The following LRRC4C variants were observed in gnomAD, a reference collection of about 807,000 sequenced individuals.
The protein encoded by LRRC4C is leucine rich repeat containing 4C, also known as leucine-rich repeat-containing protein 4C.
Under a neutral mutation model 33.6 loss-of-function variants are expected in LRRC4C, and 5 were observed. The observed-to-expected ratio is 0.15, with a 90% CI of 0.08 to 0.31. The LOEUF is 0.31. Among genes scored for constraint, LRRC4C ranks in the 10% least tolerant of loss-of-function variants. The pLI is 1.00. For synonymous variants in LRRC4C, 329 were observed against 302.0 expected (o/e 1.09, Z -0.93); for missense variants, 560 against 796.7 (o/e 0.70, Z 3.58).
chr11:40,853,593 C>A (rs547568718), intron 2 of LRRC4C, among the ~76,000 whole-genome samples: 1 of 152,196 alleles, frequency 6.6e-6, no homozygotes, highest in African/African-American at 2.4e-5. Flanking sequence ...CAAATGCAAT[C>A]ATTCCTTGGA....
chr11:40,462,417 T>C (rs1952442870), intron 3 of LRRC4C, among the ~76,000 whole-genome samples: 1 of 152,106 alleles, frequency 6.6e-6, no homozygotes, highest in Admixed American at 6.6e-5. Flanking sequence ...TCTTCATTCT[T>C]TAATTTATAG....
intron 1 of LRRC4C, among the ~76,000 whole-genome samples, chr11:40,963,761 A>G (rs979780113): frequency 4.0e-5 from 6 of 151,804 alleles, no homozygotes; most frequent in African/African-American, 1.4e-4. Context: ...TTCAGTAAAT[A>G]TTGGGATAGA....
At chr11:41,008,129 C>G (rs899761089) in intron 1 of LRRC4C, among the ~76,000 whole-genome samples, 3 of 152,056 alleles carry the variant, frequency 2.0e-5, no homozygotes, top group Non-Finnish European at 2.9e-5. Flanking sequence ...TTTCAGTAAT[C>G]ATACCCAATT....
chr11:41,263,701 T>C (rs1024051734), intron 1 of LRRC4C, among the ~76,000 whole-genome samples: 14 of 152,088 alleles, frequency 9.2e-5, no homozygotes. Flanking sequence ...GTAAGACAGG[T>C]CATTCGGGTA....
At chr11:40,653,175 C>G (rs6485216) in intron 2 of LRRC4C, among the ~76,000 whole-genome samples, 87,223 of 151,938 alleles carry the variant, frequency 0.57, 25,739 homozygotes, top group East Asian at 0.71. Context: ...ACCAGGAGTT[C>G]GGTGCTGATA....
intron 2 of LRRC4C, among the ~76,000 whole-genome samples, chr11:40,762,002 T>C (rs1378237464): frequency 1.3e-5 from 2 of 152,168 alleles, no homozygotes; most frequent in Admixed American, 6.6e-5. Flanking sequence ...TACTCAAAAA[T>C]ACACAGTGAT....
intron 2 of LRRC4C, among the ~76,000 whole-genome samples, chr11:40,898,245 T>C (rs1428055483): frequency 6.7e-6 from 1 of 148,354 alleles, no homozygotes; most frequent in African/African-American, 2.5e-5. Context: ...TCCCAGCTAC[T>C]CGGGAGGCTG....
intron 5 of LRRC4C, among the ~76,000 whole-genome samples, chr11:40,193,744 G>C (rs1862033531): frequency 2.0e-5 from 3 of 152,132 alleles, no homozygotes; most frequent in Non-Finnish European, 4.4e-5. Context: ...AGAATAACCA[G>C]TTTAGGGAAT....
intron 2 of LRRC4C, among the ~76,000 whole-genome samples, chr11:40,695,887 T>C (rs1483686968): frequency 2.0e-5 from 3 of 151,970 alleles, no homozygotes; most frequent in Non-Finnish European, 4.4e-5. Flanking sequence ...CACATCTTCA[T>C]AGTCTTTTTT....
Position 40,114,448 on chromosome 11 carries a change from A to C in LRRC4C, c.1845T>G (p.Asn615Lys). 1 of 1,614,038 alleles carries C rather than the reference A, an allele frequency of 6.2e-7. No homozygotes were observed. Residue 615 changes from asparagine (N) to lysine (K), a missense_variant, in exon 7 of 7, where the codon AAT becomes AAG. Physicochemically the swap from Asn to Lys is moderately conservative, Grantham distance 94. Transcript: ENST00000528697. Reference sequence around the variant, plus strand: ...GTTCATGCACTGAACTGTGTATTGAATTTATTGTGTTAACTGTTGTTGTGT... The same window carrying C: ...GTTCATGCACTGAACTGTGTATTGACTTTATTGTGTTAACTGTTGTTGTGT... ...FNHTTTVNTI[N>K]SIHSSVHEPL...
intron 1 of LRRC4C, among the ~76,000 whole-genome samples, chr11:41,246,731 T>C (rs1332306162): frequency 1.3e-5 from 2 of 152,224 alleles, no homozygotes; most frequent in Non-Finnish European, 2.9e-5. Flanking sequence ...TTGTTCTTGT[T>C]TTTAATCCCT....
chr11:40,339,790 G>A (rs972293479), intron 3 of LRRC4C, among the ~76,000 whole-genome samples: 31 of 152,088 alleles, frequency 2.0e-4, no homozygotes, highest in African/African-American at 7.5e-4. Flanking sequence ...CTTATCAATT[G>A]TAATAATATT....
chr11:41,138,932 A>G (rs1943383516), intron 1 of LRRC4C, among the ~76,000 whole-genome samples: 1 of 152,168 alleles, frequency 6.6e-6, no homozygotes, highest in African/African-American at 2.4e-5. Context: ...TTTAAACCCT[A>G]AGAATACCTA....
intron 1 of LRRC4C, among the ~76,000 whole-genome samples, chr11:41,058,651 A>ATT (rs1858823434): frequency 6.6e-6 from 1 of 152,242 alleles, no homozygotes; most frequent in Non-Finnish European, 1.5e-5. Context: ...TAGTTTGGTG[A>ATT]TTCCTCAAGG....
At chr11:40,910,703 G>T (rs920255098) in intron 2 of LRRC4C, among the ~76,000 whole-genome samples, 1 of 152,158 alleles carries the variant, frequency 6.6e-6, no homozygotes, top group African/African-American at 2.4e-5. Flanking sequence ...GTGGGTGCAG[G>T]ACAGTGGGTG....
chr11:40,619,196 T>C lies in LRRC4C; in HGVS notation c.-270+28946A>G, dbSNP rs567624515. Among the ~76,000 whole-genome samples the C allele has an allele frequency of 2.6e-4, 39 of 151,824 alleles. 1 individual carries two copies. Among genetic ancestry groups the C allele is most frequent in the Middle Eastern group, 3.4e-3 (1 of 294 alleles). ...ATTGGTACAACAAAAATATAAAGAA[T>C]GAATAAGACCTACTACTTGATAGTA... On this transcript the variant is annotated intron_variant, in intron 3 of 6. Coordinates refer to ENST00000528697, the MANE Select transcript of LRRC4C (RefSeq NM_001258419.2).
chr11:40,892,584 A>G (rs1416268101), intron 2 of LRRC4C, among the ~76,000 whole-genome samples: 1 of 152,244 alleles, frequency 6.6e-6, no homozygotes, highest in Non-Finnish European at 1.5e-5. Context: ...GTAAAAAGAT[A>G]CAAATGGAAT....
Position 41,011,085 on chromosome 11 carries a change from A to G in LRRC4C, c.-495-77362T>C, listed in dbSNP as rs57478725. Among the ~76,000 whole-genome samples the G allele has an allele frequency of 2.4e-3, 367 of 152,290 alleles. 2 individuals carry two copies. Among genetic ancestry groups the G allele is most frequent in the African/African-American group, 8.4e-3 (351 of 41,566 alleles). ...TAACTACATTTTATAAACTATAACT[A>G]CAATTTACATCGCTCCTATTCCATA... On this transcript the variant is annotated intron_variant, in intron 1 of 6. Transcript: ENST00000528697.
intron 2 of LRRC4C, among the ~76,000 whole-genome samples, chr11:40,796,344 A>C (rs543333205): frequency 6.6e-6 from 1 of 152,314 alleles, no homozygotes; most frequent in African/African-American, 2.4e-5. Context: ...GGTGCAGGGT[A>C]AACTCTGAAG....
Sources: gnomAD v4.1 joint callset for allele counts (sites outside exome capture counted in the v4.1 genomes callset) on GRCh38, gnomAD v4.1.1 for gene constraint, MANE v1.5 for transcripts, NCBI Gene and HGNC (gene_info 2026-07-23, HGNC 2026-07-21) for gene names.